Variants in PRKG1 observed in about 807,000 individuals in gnomAD.
PRKG1 encodes the protein cGMP-dependent protein kinase 1.
Under a neutral mutation model 88.1 loss-of-function variants are expected in PRKG1, and 35 were observed. The observed-to-expected ratio is 0.40, with a 90% CI of 0.30 to 0.53. The LOEUF (loss-of-function observed/expected upper bound fraction) is 0.53, where lower values mean the gene tolerates loss of function less well. Ranked by LOEUF, PRKG1 falls within the 20% of genes least tolerant of loss-of-function variation. The pLI is 0.59. For missense variants in PRKG1, 540 were observed against 839.8 expected (o/e 0.64, Z 4.41); for synonymous variants, 303 against 292.5 (o/e 1.04, Z -0.37).
intron 1 of PRKG1, among the ~76,000 whole-genome samples, chr10:51,114,437 C>CTGTGTGTGTGTG (rs58190244): frequency 0.19 from 27,916 of 150,078 alleles, 2,651 homozygotes; most frequent in Admixed American, 0.23. Context: ...ATGAGTGACT[C>CTGTGTGTGTGTG]TGTGTGTGTG....
At chr10:51,487,496 C>A (rs571167596) in intron 3 of PRKG1, among the ~76,000 whole-genome samples, 1 of 152,054 alleles carries the variant, frequency 6.6e-6, no homozygotes, top group Non-Finnish European at 1.5e-5. Flanking sequence ...TAGGGAGTTG[C>A]GGTAGTTGAG....
At chr10:51,017,396 C>A (rs1448665871) in intron 1 of PRKG1, among the ~76,000 whole-genome samples, 3 of 151,936 alleles carry the variant, frequency 2.0e-5, no homozygotes, top group Non-Finnish European at 4.4e-5. Flanking sequence ...AGTGTACCTG[C>A]CACAGAGAAG....
chr10:51,092,780 A>G (rs1364164723), intron 1 of PRKG1, among the ~76,000 whole-genome samples: 2 of 152,192 alleles, frequency 1.3e-5, no homozygotes, highest in African/African-American at 4.8e-5. Context: ...AATTTCAGAG[A>G]CAATAAACTG....
intron 3 of PRKG1, among the ~76,000 whole-genome samples, chr10:51,576,829 C>T (rs141771245): frequency 6.6e-6 from 1 of 151,510 alleles, no homozygotes; most frequent in African/African-American, 2.4e-5. Context: ...TTTTCATTTT[C>T]TATTGTCATT....
chr10:51,857,170 T>A (rs1311860517), intron 4 of PRKG1, among the ~76,000 whole-genome samples: 2 of 152,136 alleles, frequency 1.3e-5, no homozygotes, highest in Admixed American at 1.3e-4. Flanking sequence ...GTGAAGTTGA[T>A]TTGTTTCTTT....
At chr10:51,737,948 G>GTTTT (rs1224136334) in intron 3 of PRKG1, among the ~76,000 whole-genome samples, 5 of 151,218 alleles carry the variant, frequency 3.3e-5, no homozygotes, top group Non-Finnish European at 7.4e-5. Flanking sequence ...TTGTTTGTTT[G>GTTTT]TTTTTTGTTT....
At chr10:51,612,414 G>A (rs1156630204) in intron 3 of PRKG1, among the ~76,000 whole-genome samples, 1 of 151,680 alleles carries the variant, frequency 6.6e-6, no homozygotes, top group Non-Finnish European at 1.5e-5. Flanking sequence ...TTGCCCTCTT[G>A]ATTTCTTTTT....
chr10:51,450,357 T>C (rs1158345188), intron 2 of PRKG1, among the ~76,000 whole-genome samples: 1 of 152,018 alleles, frequency 6.6e-6, no homozygotes, highest in Non-Finnish European at 1.5e-5. Flanking sequence ...TCATCTTTTA[T>C]AATTGGATTT....
At chr10:51,205,482 G>T (rs1177770475) in intron 2 of PRKG1, among the ~76,000 whole-genome samples, 1 of 151,376 alleles carries the variant, frequency 6.6e-6, no homozygotes, top group African/African-American at 2.4e-5. Flanking sequence ...TTTCCACCCT[G>T]CCTCCTGACA....
At chr10:51,821,955 C>G (rs1021327773) in intron 4 of PRKG1, among the ~76,000 whole-genome samples, 3 of 152,012 alleles carry the variant, frequency 2.0e-5, no homozygotes, top group African/African-American at 7.2e-5. Context: ...TTTCTGAATA[C>G]ATAGCCAGAG....
intron 3 of PRKG1, among the ~76,000 whole-genome samples, chr10:51,578,556 G>A (rs1013307591): frequency 1.3e-5 from 2 of 152,060 alleles, no homozygotes; most frequent in Admixed American, 1.3e-4. Flanking sequence ...CACCATTGAA[G>A]TCTGTCTTCT....
In PRKG1 at chr10:52,027,626, T is replaced by C. The variant is rs530814554; in HGVS notation, c.763-26858T>C. 2.6e-5 allele frequency among the ~76,000 whole-genome samples: 4 copies of C among 152,306 alleles called. No homozygotes were observed. The South Asian group carries it at 8.3e-4, about 32-fold the overall frequency. ...ATGGGATAAGGAGGTAATAATTCAG[T>C]CAGCCTTTGCAATGACAGTCTATGA... On this transcript the variant is annotated intron_variant, in intron 5 of 17. Transcript: ENST00000373980.
intron 2 of PRKG1, among the ~76,000 whole-genome samples, chr10:51,197,512 G>A (rs1837800177): frequency 6.6e-6 from 1 of 152,002 alleles, no homozygotes; most frequent in African/African-American, 2.4e-5. Context: ...GACCTCAGGT[G>A]ATCTGCCCAC....
intron 3 of PRKG1, among the ~76,000 whole-genome samples, chr10:51,683,498 T>G (rs1840902964): frequency 6.6e-6 from 1 of 152,198 alleles, no homozygotes. Context: ...AAAGCTTTAT[T>G]GCAAATCCAC....
intron 3 of PRKG1, among the ~76,000 whole-genome samples, chr10:51,473,633 C>T (rs1840114028): frequency 6.6e-6 from 1 of 151,850 alleles, no homozygotes; most frequent in African/African-American, 2.4e-5. Context: ...ATTACTAAAA[C>T]ATTGAATACT....
At position 51,467,746 on chromosome 10, in the gene PRKG1, G is replaced by A. The variant is rs568518088; in HGVS notation, c.502G>A (p.Glu168Lys). The part of the protein sequence containing the change: ...MEDGKVEVTK[E>K]GVKLCTMGPG... Reference sequence around the variant, plus strand: ...AGATGGTAAGGTTGAAGTTACAAAAGAAGGTGTGAAGTTGTGTACCATGGG... The same window carrying A: ...AGATGGTAAGGTTGAAGTTACAAAAAAAGGTGTGAAGTTGTGTACCATGGG... The change falls in exon 3 of 18, where the codon GAA becomes AAA. Residue 168 changes from glutamate to lysine, a missense_variant. Glu to Lys is a moderately conservative substitution (Grantham distance 56, BLOSUM62 1). Transcript: ENST00000373980. 2 of 1,612,402 alleles carry A rather than the reference G, an allele frequency of 1.2e-6. No homozygotes were observed. The highest frequency in any genetic ancestry group is 1.7e-6 in the Non-Finnish European group (2 of 1,178,788).
chr10:52,033,105 A>T (rs1845512029), intron 5 of PRKG1, among the ~76,000 whole-genome samples: 1 of 152,150 alleles, frequency 6.6e-6, no homozygotes, highest in Non-Finnish European at 1.5e-5. Context: ...TAGTATACTA[A>T]TATTACTTGG....
intron 3 of PRKG1, among the ~76,000 whole-genome samples, chr10:51,642,711 G>A (rs1011313017): frequency 1.3e-5 from 2 of 152,104 alleles, no homozygotes; most frequent in Non-Finnish European, 2.9e-5. Flanking sequence ...GGACCCAACT[G>A]TTTATATTTC....
intron 1 of PRKG1, among the ~76,000 whole-genome samples, chr10:50,994,030 T>G (rs1842808852): frequency 6.6e-6 from 1 of 152,194 alleles, no homozygotes; most frequent in Non-Finnish European, 1.5e-5. Flanking sequence ...ACTTTTCTAC[T>G]TCCTCTCTGT....
Sources: gnomAD v4.1 joint callset for allele counts (sites outside exome capture counted in the v4.1 genomes callset) on GRCh38, gnomAD v4.1.1 for gene constraint, MANE v1.5 for transcripts, NCBI Gene and HGNC (gene_info 2026-07-23, HGNC 2026-07-21) for gene names.